The following HCN1 variants were observed in gnomAD, a reference collection of about 807,000 sequenced individuals.
HCN1 encodes hyperpolarization activated cyclic nucleotide gated potassium channel 1, also known as potassium/sodium hyperpolarization-activated cyclic nucleotide-gated channel 1.
In HCN1, 13 loss-of-function variants were observed where a neutral mutation model predicts 78.9. That is an observed-to-expected ratio of 0.16 (90% CI 0.11 to 0.26). HCN1 has a LOEUF of 0.26. Among genes scored for constraint, HCN1 ranks in the 10% least tolerant of loss-of-function variants. The probability of loss-of-function intolerance (pLI) is 1.00; values close to 1 mark genes in which losing one functional copy is unlikely to be tolerated. For missense variants in HCN1, 810 were observed against 1,154.3 expected (o/e 0.70, Z 4.32); for synonymous variants, 552 against 455.5 (o/e 1.21, Z -2.70).
At chr5:45,656,040 G>A (rs1319870813) in intron 1 of HCN1, among the ~76,000 whole-genome samples, 1 of 152,032 alleles carries the variant, frequency 6.6e-6, no homozygotes, top group Non-Finnish European at 1.5e-5. Flanking sequence ...TGCCTTCAAG[G>A]AGCCCCTCAA....
chr5:45,483,158 G>A (rs1741690039), intron 2 of HCN1, among the ~76,000 whole-genome samples: 1 of 152,166 alleles, frequency 6.6e-6, no homozygotes, highest in African/African-American at 2.4e-5. Context: ...TGGTAGCTCT[G>A]TTTTAAGGTC....
intron 4 of HCN1, among the ~76,000 whole-genome samples, chr5:45,394,043 T>G (rs922913055): frequency 1.3e-5 from 2 of 152,156 alleles, no homozygotes; most frequent in Non-Finnish European, 1.5e-5. Context: ...TCTTTTGGGA[T>G]AGGGGTGTGA....
At chr5:45,691,480 C>A (rs757239580) in intron 1 of HCN1, among the ~76,000 whole-genome samples, 4 of 152,014 alleles carry the variant, frequency 2.6e-5, no homozygotes, top group Non-Finnish European at 5.9e-5. Flanking sequence ...ACGTTTAAAT[C>A]TTTGAAGAAA....
At chr5:45,307,023 C>T (rs1027209409) in intron 5 of HCN1, among the ~76,000 whole-genome samples, 5 of 151,870 alleles carry the variant, frequency 3.3e-5, no homozygotes, top group Non-Finnish European at 5.9e-5. Flanking sequence ...ACAGAAAGAC[C>T]AATCCCCAAA....
intron 2 of HCN1, among the ~76,000 whole-genome samples, chr5:45,485,502 TC>T (rs1175316131): frequency 1.3e-5 from 2 of 152,234 alleles, no homozygotes; most frequent in African/African-American, 4.8e-5. Context: ...AACAGTTTTT[TC>T]ATCTCATCTG....
intron 2 of HCN1, among the ~76,000 whole-genome samples, chr5:45,546,678 G>A (rs1441427208): frequency 2.6e-5 from 4 of 151,146 alleles, no homozygotes; most frequent in African/African-American, 9.7e-5. Flanking sequence ...TGTATTCTTG[G>A]GGGATTTTGC....
chr5:45,544,755 C>T (rs1579959915), intron 2 of HCN1, among the ~76,000 whole-genome samples: 1 of 152,150 alleles, frequency 6.6e-6, no homozygotes, highest in East Asian at 1.9e-4. Context: ...CCAGCTCATC[C>T]ATGTCCCTAC....
intron 3 of HCN1, among the ~76,000 whole-genome samples, chr5:45,445,355 G>A (rs1277876574): frequency 6.6e-6 from 1 of 152,188 alleles, no homozygotes; most frequent in African/African-American, 2.4e-5. Flanking sequence ...CATTGCCCAG[G>A]CTTGCTTAGG....
chr5:45,525,758 T>A (rs1579949670), intron 2 of HCN1, among the ~76,000 whole-genome samples: 1 of 152,038 alleles, frequency 6.6e-6, no homozygotes, highest in African/African-American at 2.4e-5. Context: ...ACTGCTACAC[T>A]GCTCTGCCTC....
At chr5:45,276,332 A>T (rs554673907) in intron 6 of HCN1, among the ~76,000 whole-genome samples, 1 of 152,236 alleles carries the variant, frequency 6.6e-6, no homozygotes, top group African/African-American at 2.4e-5. Context: ...GTGCAGTGTC[A>T]CACTTTAATA....
At chr5:45,278,662 A>G (rs902265213) in intron 6 of HCN1, among the ~76,000 whole-genome samples, 1 of 152,170 alleles carries the variant, frequency 6.6e-6, no homozygotes, top group African/African-American at 2.4e-5. Flanking sequence ...ATGAATAATT[A>G]GTTACTTTAG....
intron 3 of HCN1, among the ~76,000 whole-genome samples, chr5:45,438,279 T>A (rs922685761): frequency 6.6e-6 from 1 of 152,064 alleles, no homozygotes; most frequent in Admixed American, 6.6e-5. Context: ...TAGAGTCCCA[T>A]GTGTTGATAC....
intron 2 of HCN1, among the ~76,000 whole-genome samples, chr5:45,471,459 C>T (rs1741387665): frequency 6.6e-6 from 1 of 151,870 alleles, no homozygotes; most frequent in Non-Finnish European, 1.5e-5. Flanking sequence ...TTGTGTCAGT[C>T]TGTATTCTTC....
At chr5:45,314,841 A>T (rs1745943946) in intron 5 of HCN1, among the ~76,000 whole-genome samples, 4 of 152,208 alleles carry the variant, frequency 2.6e-5, no homozygotes, top group Admixed American at 2.0e-4. Flanking sequence ...TGGTAAAGGG[A>T]TCAATTCAAC....
chr5:45,496,143 T>A (rs1742022366), intron 2 of HCN1, among the ~76,000 whole-genome samples: 2 of 152,254 alleles, frequency 1.3e-5, no homozygotes, highest in East Asian at 3.9e-4. Context: ...ATTCCCTCTT[T>A]TTCTATTGAT....
At chr5:45,503,601 T>A (rs1474631592) in intron 2 of HCN1, among the ~76,000 whole-genome samples, 1 of 152,218 alleles carries the variant, frequency 6.6e-6, no homozygotes, top group Non-Finnish European at 1.5e-5. Flanking sequence ...AATATTTTTA[T>A]ATGTTTTAAA....
intron 5 of HCN1, among the ~76,000 whole-genome samples, chr5:45,306,668 A>G (rs1218408087): frequency 6.6e-6 from 1 of 152,070 alleles, no homozygotes; most frequent in Non-Finnish European, 1.5e-5. Context: ...ATGAAGCAAA[A>G]CTTTAAAAAA....
At chr5:45,366,046 C>A (rs911583558) in intron 4 of HCN1, among the ~76,000 whole-genome samples, 1 of 151,850 alleles carries the variant, frequency 6.6e-6, no homozygotes, top group South Asian at 2.1e-4. Flanking sequence ...AGGGCTAAAT[C>A]TACTAGGCTA....
intron 1 of HCN1, among the ~76,000 whole-genome samples, chr5:45,681,566 A>T (rs1326741473): frequency 1.3e-5 from 2 of 152,086 alleles, no homozygotes; most frequent in Non-Finnish European, 2.9e-5. Flanking sequence ...TAAAAAAAAA[A>T]TCCTGGTCAC....
Sources: gnomAD v4.1 joint callset for allele counts (sites outside exome capture counted in the v4.1 genomes callset) on GRCh38, gnomAD v4.1.1 for gene constraint, MANE v1.5 for transcripts, NCBI Gene and HGNC (gene_info 2026-07-23, HGNC 2026-07-21) for gene names.